Variants in LOC400499 observed in about 807,000 individuals in gnomAD.
At chr16:11,458,218 C>T in the LOC400499 span, among the ~76,000 whole-genome samples, 4 of 152,244 alleles carry the variant, frequency 2.6e-5, no homozygotes, top group South Asian at 2.1e-4. Context: ...TGGTCGTGGG[C>T]GCCTGTAATC....
At chr16:11,515,733 A>AGGAGGAGGAGGAAAAG in the LOC400499 span, among the ~76,000 whole-genome samples, 144 of 147,318 alleles carry the variant, frequency 9.8e-4, no homozygotes, top group Middle Eastern at 0.01. Flanking sequence ...AGGAAAAGGG[A>AGGAGGAGGAGGAAAAG]GGAGGAGGAG....
the LOC400499 span, among the ~76,000 whole-genome samples, chr16:11,389,620 G>A: frequency 2.8e-4 from 36 of 128,228 alleles, no homozygotes; most frequent in South Asian, 8.7e-3. Flanking sequence ...AGGAAGTGAA[G>A]GTTTCAGTGA....
At chr16:11,389,379 TAAA>T in the LOC400499 span, among the ~76,000 whole-genome samples, 1 of 152,206 alleles carries the variant, frequency 6.6e-6, no homozygotes, top group East Asian at 1.9e-4. Flanking sequence ...TTTTGTGTGT[TAAA>T]AAGATTATTA....
At chr16:11,375,505 G>C in the LOC400499 span, among the ~76,000 whole-genome samples, 1 of 141,912 alleles carries the variant, frequency 7.0e-6, no homozygotes, top group Non-Finnish European at 1.5e-5. Flanking sequence ...TAGAGACGTG[G>C]TGTCACCATG....
chr16:11,380,250 T>G, the LOC400499 span, among the ~76,000 whole-genome samples: 1 of 152,196 alleles, frequency 6.6e-6, no homozygotes, highest in Non-Finnish European at 1.5e-5. Context: ...CATCTTTTTT[T>G]TTTTTTGACT....
At chr16:11,501,024 C>T in the LOC400499 span, 30 of 398,440 alleles carry the variant, frequency 7.5e-5, no homozygotes, top group Admixed American at 5.7e-4. Context: ...CTCATCTCAC[C>T]GAAGTCACCC....
chr16:11,504,089 C>T, the LOC400499 span, among the ~76,000 whole-genome samples: 2 of 152,310 alleles, frequency 1.3e-5, no homozygotes, highest in East Asian at 3.9e-4. Context: ...AAGCCTCTGG[C>T]CACAAGTGTT....
chr16:11,493,533 G>A, the LOC400499 span: 23 of 389,958 alleles, frequency 5.9e-5, no homozygotes, highest in African/African-American at 4.4e-4. Flanking sequence ...CACAGTAGGT[G>A]CTCATTAAAT....
chr16:11,435,996 C>T, the LOC400499 span: 1 of 397,726 alleles, frequency 2.5e-6, no homozygotes, highest in East Asian at 3.6e-5. Context: ...ACTCACCAAT[C>T]ATGGTAGACA....
At chr16:11,492,418 C>T in the LOC400499 span, among the ~76,000 whole-genome samples, 1 of 152,032 alleles carries the variant, frequency 6.6e-6, no homozygotes, top group African/African-American at 2.4e-5. Context: ...ACCAACTCAG[C>T]CCCTGTCCAC....
chr16:11,426,453 C>T, the LOC400499 span, among the ~76,000 whole-genome samples: 4 of 152,026 alleles, frequency 2.6e-5, no homozygotes, highest in African/African-American at 9.7e-5. Flanking sequence ...TAAAAAACAA[C>T]AACAACAAAA....
the LOC400499 span, among the ~76,000 whole-genome samples, chr16:11,437,085 C>T: frequency 6.6e-6 from 1 of 152,122 alleles, no homozygotes; most frequent in African/African-American, 2.4e-5. Context: ...ATACTGTATT[C>T]CAACTCTATG....
At chr16:11,402,489 T>C in the LOC400499 span, among the ~76,000 whole-genome samples, 3 of 152,196 alleles carry the variant, frequency 2.0e-5, no homozygotes, top group African/African-American at 7.2e-5. Flanking sequence ...GTTGACCGAG[T>C]GCCAGTTCTA....
At chr16:11,423,974 T>C in the LOC400499 span, 1 of 398,178 alleles carries the variant, frequency 2.5e-6, no homozygotes, top group East Asian at 3.6e-5. Context: ...TGCGCGGAGC[T>C]GCTCGCCATC....
the LOC400499 span, among the ~76,000 whole-genome samples, chr16:11,499,065 GA>G: frequency 1.1e-5 from 1 of 87,262 alleles, no homozygotes; most frequent in Non-Finnish European, 2.3e-5. Flanking sequence ...GGAAGGGGGG[GA>G]GGGGGGAAGG....
chr16:11,497,908 G>C, the LOC400499 span, among the ~76,000 whole-genome samples: 1 of 152,100 alleles, frequency 6.6e-6, no homozygotes, highest in Non-Finnish European at 1.5e-5. Flanking sequence ...TTACACTTCA[G>C]TTAGAAGTCT....
At chr16:11,457,163 G>T in the LOC400499 span, 3 of 907,252 alleles carry the variant, frequency 3.3e-6, no homozygotes, top group Non-Finnish European at 4.8e-6. Context: ...CGGGCAACGG[G>T]AGTGGAACGC....
At chr16:11,425,724 T>A in the LOC400499 span, among the ~76,000 whole-genome samples, 1 of 152,098 alleles carries the variant, frequency 6.6e-6, no homozygotes, top group Non-Finnish European at 1.5e-5. Context: ...TCCAAAAAAC[T>A]CCCACAAAGA....
chr16:11,416,780 G>C, the LOC400499 span, among the ~76,000 whole-genome samples: 1 of 152,156 alleles, frequency 6.6e-6, no homozygotes, highest in South Asian at 2.1e-4. Context: ...ACACATTCCA[G>C]GCAGCAGGAT....
Sources: allele counts gnomAD v4.1 joint callset (sites outside exome capture counted in the v4.1 genomes callset), GRCh38; gene constraint gnomAD v4.1.1; transcripts MANE v1.5.